The following FRMPD1 variants were observed in gnomAD, a reference collection of about 807,000 sequenced individuals.
FRMPD1 encodes FERM and PDZ domain-containing protein 1.
FRMPD1 carries 76 observed loss-of-function variants against 117.8 expected under a neutral mutation model. The ratio of observed to expected loss-of-function variants is 0.65; its 90% CI spans 0.54 to 0.78. FRMPD1 has a LOEUF of 0.78. Among genes scored for constraint, FRMPD1 ranks in the 30% least tolerant of loss-of-function variants. The pLI, the probability that FRMPD1 is intolerant of heterozygous loss-of-function variation, is 0.00. For synonymous variants in FRMPD1, 783 were observed against 770.4 expected (o/e 1.02, Z -0.27); for missense variants, 1,786 against 1,964.5 (o/e 0.91, Z 1.72).
the FRMPD1 span, among the ~76,000 whole-genome samples, chr9:37,639,439 C>A: frequency 1.9e-4 from 29 of 152,130 alleles, no homozygotes; most frequent in African/African-American, 7.0e-4. Context: ...CTGCAGGACA[C>A]CTCAACCCAT....
chr9:37,604,760 A>C, the FRMPD1 span, among the ~76,000 whole-genome samples: 6 of 152,216 alleles, frequency 3.9e-5, no homozygotes, highest in African/African-American at 1.4e-4. Flanking sequence ...AAGAGCAAAG[A>C]AAAGACCTTC....
intron 13 of FRMPD1, among the ~76,000 whole-genome samples, chr9:37,736,280 C>T (rs1464247963): frequency 1.3e-5 from 2 of 151,778 alleles, no homozygotes; most frequent in African/African-American, 4.8e-5. Flanking sequence ...GGATTACAGG[C>T]GTGAGCCACC....
At chr9:37,615,437 C>T in the FRMPD1 span, among the ~76,000 whole-genome samples, 15 of 152,026 alleles carry the variant, frequency 9.9e-5, no homozygotes, top group Non-Finnish European at 7.4e-5. Flanking sequence ...TCGTCAACCT[C>T]GCTTCTGATT....
the FRMPD1 span, among the ~76,000 whole-genome samples, chr9:37,615,979 GT>G: frequency 9.2e-5 from 14 of 151,706 alleles, no homozygotes; most frequent in South Asian, 2.3e-3. Context: ...TGCCCAGCTT[GT>G]TTTTTTGTGT....
intron 1 of FRMPD1, among the ~76,000 whole-genome samples, chr9:37,680,192 A>C (rs1233876700): frequency 6.6e-6 from 1 of 152,112 alleles, no homozygotes; most frequent in African/African-American, 2.4e-5. Flanking sequence ...ATCTGTACTG[A>C]GCTAGATAAG....
chr9:37,667,078 T>TTTC (rs1588910743), intron 1 of FRMPD1, among the ~76,000 whole-genome samples: 1 of 149,358 alleles, frequency 6.7e-6, no homozygotes, highest in Non-Finnish European at 1.5e-5. Flanking sequence ...TTTTTTTTTT[T>TTTC]CCTGAGACAG....
chr9:37,728,854 T>G (rs939412232), intron 7 of FRMPD1, among the ~76,000 whole-genome samples: 14 of 151,662 alleles, frequency 9.2e-5, no homozygotes, highest in Admixed American at 8.5e-4. Flanking sequence ...TCCCAGCTAC[T>G]TGGGAGGCTG....
At chr9:37,645,940 T>C in the FRMPD1 span, among the ~76,000 whole-genome samples, 1 of 152,222 alleles carries the variant, frequency 6.6e-6, no homozygotes, top group African/African-American at 2.4e-5. Context: ...TCAGGTATCA[T>C]TGCCTCTTCT....
chr9:37,702,137 T>C (rs2118109149), intron 2 of FRMPD1, among the ~76,000 whole-genome samples: 1 of 152,324 alleles, frequency 6.6e-6, no homozygotes, highest in East Asian at 1.9e-4. Flanking sequence ...AATGACAAAG[T>C]TTCATCTCTG....
intron 1 of FRMPD1, among the ~76,000 whole-genome samples, chr9:37,685,279 TCTTC>T (rs1821880830): frequency 6.6e-6 from 1 of 152,078 alleles, no homozygotes; most frequent in East Asian, 1.9e-4. Flanking sequence ...ATGTGAAGAG[TCTTC>T]CTTGTGGCAT....
chr9:37,668,991 G>T (rs1057263249), intron 1 of FRMPD1, among the ~76,000 whole-genome samples: 2 of 152,136 alleles, frequency 1.3e-5, no homozygotes, highest in African/African-American at 4.8e-5. Context: ...AGACTTTCAC[G>T]TTGAATAAAT....
In FRMPD1 at chr9:37,740,604, CAGGCTGGACCCCAGGCTGTATGAA is replaced by C; in HGVS notation, c.2077_2100del (p.Arg693_Glu700del). The C allele has an allele frequency of 1.2e-6, 2 of 1,614,208 alleles. No individual in the cohort carries two copies. The highest frequency in any genetic ancestry group is 1.7e-6 in the Non-Finnish European group (2 of 1,180,028). ...GCTGGGCACCAGAACTGAGCACAGT[CAGGCTGGACCCCAGGCTGTATGAA>C]GGCAGCCACGCTGACTACTACAGCC... On this transcript the variant is annotated inframe_deletion, in exon 15 of 16. Coordinates refer to ENST00000377765, the MANE Select transcript of FRMPD1 (RefSeq NM_014907.3). This position sits in a 1 kb window ranked among gnomAD's most constrained non-coding sequence, Gnocchi z 4.2.
intron 12 of FRMPD1, among the ~76,000 whole-genome samples, 169 bp downstream of exon 12, chr9:37,733,994 G>A (rs575873273): frequency 6.6e-6 from 1 of 152,276 alleles, no homozygotes; most frequent in South Asian, 2.1e-4. Flanking sequence ...GCGTTTGCTT[G>A]GTGCTACCCC....
chr9:37,721,874 A>G (rs1039283317), intron 6 of FRMPD1, among the ~76,000 whole-genome samples: 1 of 152,246 alleles, frequency 6.6e-6, no homozygotes, highest in African/African-American at 2.4e-5. Context: ...TTGGGTAGAA[A>G]ATAAACATAG....
intron 1 of FRMPD1, among the ~76,000 whole-genome samples, chr9:37,655,899 C>T (rs1406295750): frequency 6.6e-6 from 1 of 152,146 alleles, no homozygotes; most frequent in African/African-American, 2.4e-5. Context: ...GTGGTCCTGC[C>T]TATGCCTGAA....
At chr9:37,658,412 C>T (rs1032743796) in intron 1 of FRMPD1, among the ~76,000 whole-genome samples, 1 of 152,198 alleles carries the variant, frequency 6.6e-6, no homozygotes, top group African/African-American at 2.4e-5. Context: ...TCAGATCCCT[C>T]ATCTGTCTGA....
chr9:37,636,758 G>T, the FRMPD1 span: 1 of 1,602,892 alleles, frequency 6.2e-7, no homozygotes, highest in East Asian at 2.2e-5. Context: ...CTCGCCCCCG[G>T]AGGCTGCTCC....
chr9:37,724,358 A>G, intron 7 of FRMPD1, 38 bp downstream of exon 7: 1 of 1,134,644 alleles, frequency 8.8e-7, no homozygotes, highest in Non-Finnish European at 1.3e-6. Context: ...TCCCAAGAAG[A>G]ATGTTCTGGC....
chr9:37,605,066 C>T, the FRMPD1 span, among the ~76,000 whole-genome samples: 1 of 152,226 alleles, frequency 6.6e-6, no homozygotes, highest in African/African-American at 2.4e-5. Flanking sequence ...CCAGGCAGTT[C>T]CACTGTGGAG....
Sources: gnomAD v4.1 joint callset for allele counts (sites outside exome capture counted in the v4.1 genomes callset) on GRCh38, gnomAD v4.1.1 for gene constraint, Gnocchi (gnomAD v3.1) non-coding constraint, MANE v1.5 for transcripts, NCBI Gene and HGNC (gene_info 2026-07-23, HGNC 2026-07-21) for gene names.